The following TMEM170A variants were observed in gnomAD, a reference collection of about 807,000 sequenced individuals.
The protein encoded by TMEM170A is transmembrane protein 170.
TMEM170A carries 18 observed loss-of-function variants against 12.8 expected under a neutral mutation model. The ratio of observed to expected loss-of-function variants is 1.41; its 90% CI spans 0.97 to 2.09. The LOEUF is 2.09. Ranked by LOEUF, TMEM170A falls within the 30% of genes most tolerant of loss-of-function variation. The pLI is 0.00. For synonymous variants in TMEM170A, 107 were observed against 76.2 expected (o/e 1.40, Z -2.11); for missense variants, 220 against 179.9 (o/e 1.22, Z -1.28).
At chr16:75,458,912 T>C (rs1042492283) in intron 1 of TMEM170A, 3 of 152,208 alleles carry the variant, frequency 2.0e-5, no homozygotes, top group East Asian at 3.9e-4. Flanking sequence ...TTTCTTTTTT[T>C]TGAGACAGTC....
At chr16:75,456,002 A>C (rs1384687489) in intron 1 of TMEM170A, among the ~76,000 whole-genome samples, 3 of 152,082 alleles carry the variant, frequency 2.0e-5, no homozygotes, top group Non-Finnish European at 2.9e-5. Flanking sequence ...AGATCAATGA[A>C]AACCACAGTT....
Position 75,451,715 on chromosome 16 carries a change from G to A in TMEM170A, c.258C>T (p.Ile86=), listed in dbSNP as rs201596608. 4 of 1,614,132 alleles carry A rather than the reference G, an allele frequency of 2.5e-6. No homozygotes were observed. The highest frequency in any genetic ancestry group is 2.5e-6 in the Non-Finnish European group (3 of 1,180,032). Residue 86 remains isoleucine, a synonymous_variant, in exon 2 of 3, where the codon ATC becomes ATT. Transcript: ENST00000561878. ...HKYGRFMSVS[I]LLMGIVGPIT... is the part of the protein sequence containing the mutation. ...TTGGTCCCACGATGCCCATCAACAG[G>A]ATGCTTACAGACATGAACCTACCAT...
chr16:75,461,267 T>C (rs1456938310), intron 1 of TMEM170A, among the ~76,000 whole-genome samples: 9 of 151,710 alleles, frequency 5.9e-5, no homozygotes, highest in Non-Finnish European at 4.4e-5. Context: ...TTGGCCAGGC[T>C]AGTCTTGAAC....
intron 1 of TMEM170A, chr16:75,458,628 G>C (rs943878833): frequency 1.3e-5 from 2 of 152,168 alleles, no homozygotes; most frequent in Non-Finnish European, 2.9e-5. Context: ...CTAAACCTTG[G>C]TTTTAGCCCA....
rs2079588222 is a variant in TMEM170A, at chr16:75,446,445, T to A, written c.*1113A>T. 6.6e-6 allele frequency: 1 copy of A among 152,196 alleles called. No homozygotes were observed. The highest frequency in any genetic ancestry group is 2.1e-4 in the South Asian group (1 of 4,834). 9.4% of individuals were successfully genotyped at this position (152,196 alleles called of 1,614,324 possible). A position where few individuals can be genotyped will look rare whatever the true frequency, so the allele number is the denominator to read the frequency against. On this transcript the variant is annotated 3_prime_UTR_variant, in exon 3 of 3. Transcript: ENST00000561878. The stretch of plus-strand genomic sequence containing the variant: ...AAAACTCTTGATATTTAAATCTCTT[T>A]AAAGATATAAATTCTTTTGAATAAA...
chr16:75,459,335 C>A (rs937216724), intron 1 of TMEM170A, among the ~76,000 whole-genome samples: 3 of 152,226 alleles, frequency 2.0e-5, no homozygotes, highest in African/African-American at 7.2e-5. Flanking sequence ...ACCTCCACAG[C>A]AGAGTCACCT....
chr16:75,451,488 G>T, intron 2 of TMEM170A, 181 bp downstream of exon 2: 1 of 644,662 alleles, frequency 1.6e-6, no homozygotes, highest in East Asian at 2.7e-5. Flanking sequence ...GGTGGAGGCT[G>T]CAGTGAGCCA....
intron 1 of TMEM170A, among the ~76,000 whole-genome samples, chr16:75,456,726 C>T (rs955885897): frequency 6.6e-6 from 1 of 152,178 alleles, no homozygotes; most frequent in Non-Finnish European, 1.5e-5. Flanking sequence ...CTGGATACTG[C>T]TCCTCCCTAA....
chr16:75,447,644 T>C lies in TMEM170A; in HGVS notation c.349A>G (p.Ile117Val), dbSNP rs200635561. Reference protein sequence around the residue: ...GVYRAAGKEMIPFEALTLGTG... With the variant: ...GVYRAAGKEMVPFEALTLGTG... The stretch of plus-strand genomic sequence containing the variant: ...CCCAGTGTGAGGGCTTCAAATGGTA[T>C]CATTTCCTTCCCTGCTGCTCGGTAA... Residue 117 changes from isoleucine (I) to valine (V), a missense_variant, in exon 3 of 3, where the codon ATA becomes GTA. Physicochemically the swap from Ile to Val is conservative, Grantham distance 29 (BLOSUM62 3). Coordinates refer to ENST00000561878, the MANE Select transcript of TMEM170A (RefSeq NM_145254.3). The C allele has an allele frequency of 6.2e-7, 1 of 1,610,518 alleles. No individual in the cohort carries two copies. Among genetic ancestry groups the C allele is most frequent in the South Asian group, 1.1e-5 (1 of 90,548 alleles).
intron 1 of TMEM170A, among the ~76,000 whole-genome samples, chr16:75,461,337 A>C (rs1049583550): frequency 6.6e-6 from 1 of 152,220 alleles, no homozygotes; most frequent in Non-Finnish European, 1.5e-5. Flanking sequence ...TACAGGCGTG[A>C]GCCACGGCAA....
chr16:75,461,610 T>C (rs146315853), intron 1 of TMEM170A, among the ~76,000 whole-genome samples: 1 of 152,196 alleles, frequency 6.6e-6, no homozygotes, highest in Non-Finnish European at 1.5e-5. Flanking sequence ...TCAAATAGGA[T>C]ATAACTTCAT....
At chr16:75,453,276 A>G (rs1178759365) in intron 1 of TMEM170A, among the ~76,000 whole-genome samples, 1 of 152,172 alleles carries the variant, frequency 6.6e-6, no homozygotes, top group Admixed American at 6.5e-5. Context: ...TCTACAAAAA[A>G]TACAAAAATT....
chr16:75,456,573 C>A (rs1433246228), intron 1 of TMEM170A, among the ~76,000 whole-genome samples: 1 of 152,122 alleles, frequency 6.6e-6, no homozygotes, highest in African/African-American at 2.4e-5. Context: ...GGGTTTCAGC[C>A]CCCACCTCTT....
chr16:75,459,217 C>T (rs186581172), intron 1 of TMEM170A, among the ~76,000 whole-genome samples: 9 of 152,274 alleles, frequency 5.9e-5, no homozygotes, highest in Admixed American at 1.3e-4. Context: ...CTTTAAGATA[C>T]ATATTCAGAG....
chr16:75,457,208 C>A (rs1878658069), intron 1 of TMEM170A, among the ~76,000 whole-genome samples: 1 of 152,136 alleles, frequency 6.6e-6, no homozygotes, highest in South Asian at 2.1e-4. Flanking sequence ...CAAGGCACTG[C>A]TGGAGCCTGG....
Position 75,456,623 on chromosome 16 carries a change from C to A in TMEM170A, c.134-4784G>T, listed in dbSNP as rs566327290. Among the ~76,000 whole-genome samples, 344 of 152,326 alleles carry A rather than the reference C, an allele frequency of 2.3e-3. 2 individuals are homozygous for A. The highest frequency in any genetic ancestry group is 7.8e-3 in the African/African-American group (326 of 41,572). The stretch of plus-strand genomic sequence containing the variant: ...TATCCTCCTGCAGTTTCTCTTCTAG[C>A]CGCCATTAGGCCAGGAGCTATTCCT... On this transcript the variant is annotated intron_variant, in intron 1 of 2. Coordinates refer to ENST00000561878, the MANE Select transcript of TMEM170A (RefSeq NM_145254.3).
intron 1 of TMEM170A, among the ~76,000 whole-genome samples, chr16:75,462,999 G>C (rs2079933787): frequency 6.6e-6 from 1 of 152,128 alleles, no homozygotes; most frequent in African/African-American, 2.4e-5. Context: ...AATGGGACAT[G>C]TGACCTACAT....
intron 1 of TMEM170A, chr16:75,459,869 A>C (rs2079872380): frequency 6.6e-6 from 1 of 152,044 alleles, no homozygotes; most frequent in South Asian, 2.1e-4. Context: ...AAAAAAAAAA[A>C]GTCTTACGTA....
intron 1 of TMEM170A, among the ~76,000 whole-genome samples, chr16:75,455,162 C>G (rs942702152): frequency 3.3e-5 from 5 of 152,070 alleles, no homozygotes; most frequent in Non-Finnish European, 5.9e-5. Flanking sequence ...TTGAGACCAT[C>G]CTGGCTAACA....
Sources: gnomAD v4.1 joint callset for allele counts (sites outside exome capture counted in the v4.1 genomes callset) on GRCh38, gnomAD v4.1.1 for gene constraint, MANE v1.5 for transcripts, NCBI Gene and HGNC (gene_info 2026-07-23, HGNC 2026-07-21) for gene names.